TBCEL: variants seen among roughly 807,000 people sequenced by gnomAD.
The protein encoded by TBCEL is tubulin-specific chaperone cofactor E-like protein.
In TBCEL, 15 loss-of-function variants were observed where a neutral mutation model predicts 44.2. The observed-to-expected ratio is 0.34, with a 90% CI of 0.23 to 0.52. The LOEUF (loss-of-function observed/expected upper bound fraction) is 0.52. TBCEL is among the 20% of genes least tolerant of loss of function. TBCEL has a pLI of 0.95. For missense variants in TBCEL, 319 were observed against 506.3 expected (o/e 0.63, Z 3.55); for synonymous variants, 171 against 185.4 (o/e 0.92, Z 0.63).
chr11:121,066,498 T>C (rs1438838582), intron 8 of TBCEL, among the ~76,000 whole-genome samples: 1 of 152,234 alleles, frequency 6.6e-6, no homozygotes, highest in Non-Finnish European at 1.5e-5. Context: ...AAAGTTGGCA[T>C]ATATCTACTA....
At position 121,087,671 on chromosome 11, in the gene TBCEL, A is replaced by G. The variant is rs1946238915; in HGVS notation, c.*575A>G. The G allele has an allele frequency of 6.6e-6, 1 of 151,166 alleles. No individual in the cohort carries two copies. The highest frequency in any genetic ancestry group is 2.4e-5 in the African/African-American group (1 of 40,974). The allele number at this position is 151,166 out of a possible 1,614,324, so 9.4% of individuals were successfully genotyped here. ...CAACCTGGGTGATTTTTTTGTTCTC[A>G]TTTCTCCCTTTTGAAATAATTGAAA... On this transcript the variant is annotated 3_prime_UTR_variant, in exon 9 of 9. Coordinates refer to ENST00000683345, the MANE Select transcript of TBCEL (RefSeq NM_001363644.2).
At position 121,089,979 on chromosome 11, in the gene TBCEL, G is replaced by A. The variant is rs1370761265; in HGVS notation, c.*2883G>A. On this transcript the variant is annotated 3_prime_UTR_variant, in exon 9 of 9. Transcript: ENST00000683345. ...AGAAACCAATTTTTGAATTTGAATTGTTGAAATATCCTAGATTGCTTTAAT... is the reference window on the plus strand; with the variant it reads ...AGAAACCAATTTTTGAATTTGAATTATTGAAATATCCTAGATTGCTTTAAT... 1 of 152,178 alleles carries A rather than the reference G, an allele frequency of 6.6e-6. No homozygotes were observed. Among genetic ancestry groups the A allele is most frequent in the African/African-American group, 2.4e-5 (1 of 41,444 alleles). The allele number at this position is 152,178 out of a possible 1,614,324, so 9.4% of individuals were successfully genotyped here. A position where few individuals can be genotyped will look rare whatever the true frequency, so the allele number is the denominator to read the frequency against.
At chr11:121,064,708 A>T (rs1945786244) in intron 8 of TBCEL, among the ~76,000 whole-genome samples, 1 of 152,180 alleles carries the variant, frequency 6.6e-6, no homozygotes, top group African/African-American at 2.4e-5. Context: ...ATATATTTTC[A>T]AGGTCTTGGA....
In TBCEL at chr11:121,044,886, A is replaced by T. The variant is rs79146513; in HGVS notation, c.-17-788A>T. ...AGGTCCAGTTATAGGTAACTAAAAAATTGAGAAGAACAATGGCTTAAGCAA... is the reference window on the plus strand; with the variant it reads ...AGGTCCAGTTATAGGTAACTAAAAATTTGAGAAGAACAATGGCTTAAGCAA... On this transcript the variant is annotated intron_variant, in intron 2 of 8. Transcript: ENST00000683345. Among the ~76,000 whole-genome samples, 714 of 152,278 alleles carry T rather than the reference A, an allele frequency of 4.7e-3. 4 individuals carry two copies. The highest frequency in any genetic ancestry group is 0.017 in the Middle Eastern group (5 of 294).
chr11:121,070,690 C>T (rs1015159179), intron 8 of TBCEL, among the ~76,000 whole-genome samples: 3 of 109,236 alleles, frequency 2.7e-5, no homozygotes, highest in African/African-American at 3.6e-5. Context: ...ACATCACACA[C>T]GGGGGCCTGT....
At chr11:121,086,157 C>T (rs7131216) in intron 8 of TBCEL, among the ~76,000 whole-genome samples, 1 of 152,036 alleles carries the variant, frequency 6.6e-6, no homozygotes, top group Non-Finnish European at 1.5e-5. Context: ...GGTATCTTTT[C>T]CTTTGTATTC....
intron 6 of TBCEL, among the ~76,000 whole-genome samples, chr11:121,056,895 T>A (rs1181741533): frequency 6.6e-6 from 1 of 151,838 alleles, no homozygotes. Flanking sequence ...TTATGAGATA[T>A]GTCTTCTGCA....
chr11:121,055,739 G>T (rs1482798432), intron 6 of TBCEL, among the ~76,000 whole-genome samples: 1 of 151,762 alleles, frequency 6.6e-6, no homozygotes, highest in East Asian at 1.9e-4. Flanking sequence ...ATTTGATCCT[G>T]TGTATCACAG....
At chr11:121,052,429 G>A (rs1945545053) in intron 4 of TBCEL, among the ~76,000 whole-genome samples, 1 of 151,818 alleles carries the variant, frequency 6.6e-6, no homozygotes, top group Non-Finnish European at 1.5e-5. Flanking sequence ...GAAAGATTAA[G>A]TCACTTGTCT....
chr11:121,064,183 A>G (rs1185312515), intron 8 of TBCEL, among the ~76,000 whole-genome samples: 1 of 152,224 alleles, frequency 6.6e-6, no homozygotes, highest in East Asian at 1.9e-4. Flanking sequence ...AGAGTTTTGC[A>G]AGTTAGTCAC....
At chr11:121,057,529 A>C (rs1340436895) in intron 6 of TBCEL, 1 of 436,328 alleles carries the variant, frequency 2.3e-6, no homozygotes, top group Non-Finnish European at 4.6e-6. Context: ...CTGTCACCAA[A>C]TTGATAATAC....
chr11:121,082,261 CA>C (rs1206056510), intron 8 of TBCEL, among the ~76,000 whole-genome samples: 2 of 152,212 alleles, frequency 1.3e-5, no homozygotes, highest in Admixed American at 6.5e-5. Context: ...AATGTGTCTG[CA>C]GGGCTGTTTT....
chr11:121,078,025 AG>A (rs1454931960), intron 8 of TBCEL, among the ~76,000 whole-genome samples: 3 of 151,900 alleles, frequency 2.0e-5, no homozygotes, highest in Non-Finnish European at 4.4e-5. Flanking sequence ...GGTATATTTG[AG>A]GTACCTTTCT....
At chr11:121,059,230 A>G (rs562784116) in intron 7 of TBCEL, among the ~76,000 whole-genome samples, 1 of 152,130 alleles carries the variant, frequency 6.6e-6, no homozygotes, top group South Asian at 2.1e-4. Context: ...GCAGTTGTTA[A>G]CGTACACATT....
intron 8 of TBCEL, among the ~76,000 whole-genome samples, chr11:121,070,074 T>C (rs1305058402): frequency 6.6e-6 from 1 of 152,168 alleles, no homozygotes; most frequent in Non-Finnish European, 1.5e-5. Context: ...AAAGAAGACA[T>C]TTATGCAGCC....
chr11:121,060,501 C>T (rs1041308976), intron 8 of TBCEL, among the ~76,000 whole-genome samples: 5 of 151,320 alleles, frequency 3.3e-5, no homozygotes, highest in Admixed American at 2.0e-4. Context: ...AGTAAGTTCA[C>T]AAAATATGAA....
In TBCEL at chr11:121,089,593, A is replaced by C. The variant is rs1232144099; in HGVS notation, c.*2497A>C. 1.3e-5 allele frequency: 2 copies of C among 152,206 alleles called. No homozygotes were observed. The highest frequency in any genetic ancestry group is 2.9e-5 in the Non-Finnish European group (2 of 68,034). 9.4% of individuals were successfully genotyped at this position (152,206 alleles called of 1,614,324 possible). ...AGAAAAGATGCTGCTTTTGAAATAAAATTGGTGCTGTGTAGACACTTGTAA... is the reference window on the plus strand; with the variant it reads ...AGAAAAGATGCTGCTTTTGAAATAACATTGGTGCTGTGTAGACACTTGTAA... On this transcript the variant is annotated 3_prime_UTR_variant, in exon 9 of 9. Transcript: ENST00000683345.
intron 1 of TBCEL, among the ~76,000 whole-genome samples, chr11:121,027,762 T>C (rs773725585): frequency 1.3e-5 from 2 of 152,218 alleles, no homozygotes; most frequent in African/African-American, 2.4e-5. Context: ...TTTGTATTAT[T>C]TGTGCACCTT....
intron 8 of TBCEL, among the ~76,000 whole-genome samples, chr11:121,062,833 A>G (rs1282898825): frequency 6.6e-6 from 1 of 152,152 alleles, no homozygotes; most frequent in Non-Finnish European, 1.5e-5. Flanking sequence ...TGTGCTTCAT[A>G]TATTGCTGCT....
Sources: gnomAD v4.1 joint callset for allele counts (sites outside exome capture counted in the v4.1 genomes callset) on GRCh38, gnomAD v4.1.1 for gene constraint, MANE v1.5 for transcripts, NCBI Gene and HGNC (gene_info 2026-07-23, HGNC 2026-07-21) for gene names.